Variants in IRAG1 observed in about 807,000 individuals in gnomAD.
The protein encoded by IRAG1 is inositol 1,4,5-triphosphate receptor associated 1.
Under a neutral mutation model 106.2 loss-of-function variants are expected in IRAG1, and 62 were observed. The observed-to-expected ratio is 0.58, with a 90% CI of 0.48 to 0.72. IRAG1 has a LOEUF of 0.72. Among genes scored for constraint, IRAG1 ranks in the 30% least tolerant of loss-of-function variants. IRAG1 has a pLI of 0.00. For missense variants in IRAG1, 1,064 were observed against 1,140.7 expected, an observed-to-expected ratio of 0.93 and a Z score of 0.97; for synonymous variants, 462 against 443.9, an observed-to-expected ratio of 1.04 and a Z score of -0.51.
At position 10,634,056 on chromosome 11, in the gene IRAG1, C is replaced by T; in HGVS notation, c.241G>A (p.Gly81Arg). 1.2e-6 allele frequency: 2 copies of T among 1,610,482 alleles called. No individual in the cohort carries two copies. ...SPAGQGPPAA[G>R]VSCSPTPTIV... Reference sequence around the variant, plus strand: ...GTGGGAGTTGGACTGCAAGATACTCCTGCGGCAGGAGGACCCTGCCGGTTT... The same window carrying T: ...GTGGGAGTTGGACTGCAAGATACTCTTGCGGCAGGAGGACCCTGCCGGTTT... The change falls in exon 3 of 21, where the codon GGA (glycine) becomes AGA (arginine). Residue 81 changes from glycine to arginine, a missense_variant. Gly to Arg is a moderately radical substitution (Grantham distance 125). Coordinates refer to ENST00000423302, the MANE Select transcript of IRAG1 (RefSeq NM_130385.4).
chr11:10,675,795 G>A (rs1302717811), intron 1 of IRAG1, among the ~76,000 whole-genome samples: 1 of 152,098 alleles, frequency 6.6e-6, no homozygotes, highest in African/African-American at 2.4e-5. Context: ...AGAGTGCTGC[G>A]GTCTTTACTA....
At chr11:10,588,728 C>CACCAAA (rs1388597533) in intron 18 of IRAG1, among the ~76,000 whole-genome samples, 22 of 152,264 alleles carry the variant, frequency 1.4e-4, no homozygotes, top group African/African-American at 5.3e-4. Flanking sequence ...AGGTTAGGTG[C>CACCAAA]TCATTTTCTG....
chr11:10,610,231 C>T (rs1041317515), intron 10 of IRAG1, among the ~76,000 whole-genome samples: 1 of 152,346 alleles, frequency 6.6e-6, no homozygotes. Flanking sequence ...GCAGGCTTCT[C>T]AGGAGACCTG....
Position 10,634,072 on chromosome 11 carries a change from C to G in IRAG1, c.226-1G>C. On this transcript the variant is annotated splice_acceptor_variant, in intron 2 of 20. Coordinates refer to ENST00000423302, the MANE Select transcript of IRAG1 (RefSeq NM_130385.4). LOFTEE classifies it high-confidence loss of function. ...AAGATACTCCTGCGGCAGGAGGACCCTGCCGGTTTAGAACAAAAACACAGA... is the reference window on the plus strand; with the variant it reads ...AAGATACTCCTGCGGCAGGAGGACCGTGCCGGTTTAGAACAAAAACACAGA... 6.3e-7 allele frequency: 1 copy of G among 1,598,446 alleles called. No homozygotes were observed. Among genetic ancestry groups the G allele is most frequent in the Non-Finnish European group, 8.5e-7 (1 of 1,170,012 alleles).
At chr11:10,640,148 T>A (rs1412594160) in intron 2 of IRAG1, among the ~76,000 whole-genome samples, 2 of 152,206 alleles carry the variant, frequency 1.3e-5, no homozygotes, top group Non-Finnish European at 2.9e-5. Flanking sequence ...GTGAGCTGCC[T>A]TCTGATAGGA....
chr11:10,675,985 C>T (rs1860625054), intron 1 of IRAG1, among the ~76,000 whole-genome samples: 1 of 152,230 alleles, frequency 6.6e-6, no homozygotes, highest in Non-Finnish European at 1.5e-5. Flanking sequence ...AGGCTGGCCT[C>T]CCATCTAACA....
At chr11:10,581,139 T>C (rs1319949607) in intron 19 of IRAG1, among the ~76,000 whole-genome samples, 4 of 152,136 alleles carry the variant, frequency 2.6e-5, no homozygotes, top group Admixed American at 1.3e-4. Flanking sequence ...TTGTGGTTTT[T>C]CTCCCCCAGG....
intron 15 of IRAG1, chr11:10,595,805 C>T (rs796494278): frequency 2.4e-4 from 37 of 152,240 alleles, no homozygotes; most frequent in African/African-American, 8.4e-4. Context: ...GGTATTAAGC[C>T]TAGTAGACAG....
chr11:10,616,554 A>G (rs753608055), intron 10 of IRAG1, among the ~76,000 whole-genome samples: 7 of 152,128 alleles, frequency 4.6e-5, no homozygotes, highest in Non-Finnish European at 5.9e-5. Context: ...ACAAAAAACT[A>G]CCTCAGTAAC....
chr11:10,638,454 C>G (rs560336780), intron 2 of IRAG1, among the ~76,000 whole-genome samples: 11 of 152,300 alleles, frequency 7.2e-5, no homozygotes, highest in Non-Finnish European at 1.6e-4. Flanking sequence ...CTCTCCCACC[C>G]ACATCATCTG....
intron 18 of IRAG1, among the ~76,000 whole-genome samples, chr11:10,588,499 G>A (rs1229883495): frequency 3.3e-5 from 5 of 152,128 alleles, no homozygotes; most frequent in Admixed American, 6.5e-5. Context: ...ACAGGTGGAC[G>A]CCACCACGCC....
intron 1 of IRAG1, among the ~76,000 whole-genome samples, chr11:10,680,346 A>AAAG (rs1554935620): frequency 1.4e-5 from 1 of 69,844 alleles, no homozygotes; most frequent in Non-Finnish European, 2.7e-5. Context: ...GGAAGGAAGG[A>AAAG]AAGAAAGAAA....
chr11:10,670,228 C>T (rs1195440611), intron 1 of IRAG1, among the ~76,000 whole-genome samples: 1 of 152,214 alleles, frequency 6.6e-6, no homozygotes, highest in Non-Finnish European at 1.5e-5. Context: ...CAGAGGGACT[C>T]CTCATACAAC....
chr11:10,591,447 T>C, intron 18 of IRAG1, 101 bp downstream of exon 18: 2 of 1,083,494 alleles, frequency 1.8e-6, no homozygotes, highest in Non-Finnish European at 1.4e-6. Flanking sequence ...CTTAATTTGC[T>C]TTCCACTGCA....
chr11:10,639,589 C>T (rs1857373835), intron 2 of IRAG1, among the ~76,000 whole-genome samples: 1 of 152,196 alleles, frequency 6.6e-6, no homozygotes, highest in Non-Finnish European at 1.5e-5. Context: ...ATCCTGACCT[C>T]TCCTCTGCCC....
intron 10 of IRAG1, among the ~76,000 whole-genome samples, chr11:10,616,114 G>C (rs574158408): frequency 8.1e-4 from 123 of 151,206 alleles, no homozygotes; most frequent in African/African-American, 2.8e-3. Context: ...GACCATCCTG[G>C]CTAACGTGGT....
At chr11:10,596,848 C>A (rs1853370183) in intron 15 of IRAG1, among the ~76,000 whole-genome samples, 1 of 152,146 alleles carries the variant, frequency 6.6e-6, no homozygotes, top group Non-Finnish European at 1.5e-5. Context: ...ATAAGCAACT[C>A]CAAAGTATTA....
At chr11:10,686,528 C>G (rs1421001104) in intron 1 of IRAG1, among the ~76,000 whole-genome samples, 1 of 152,190 alleles carries the variant, frequency 6.6e-6, no homozygotes. Flanking sequence ...CAAAGTAGAG[C>G]AAGCCTAGTG....
Position 10,604,276 on chromosome 11 carries a change from G to T in IRAG1, c.1743+129C>A, listed in dbSNP as rs899842965. ...TCCCCCCAACTCTCTGAGGAACACT[G>T]TCAGAGTCTTGGCTCAATTTTTCAC... On this transcript the variant is annotated intron_variant, in intron 13 of 20. Transcript: ENST00000423302. The T allele has an allele frequency of 2.5e-6, 3 of 1,194,708 alleles. No individual in the cohort carries two copies. The Admixed American group carries it at 7.3e-5, about 29-fold the overall frequency. 74.0% of individuals were successfully genotyped at this position (1,194,708 alleles called of 1,614,324 possible).
Sources: gnomAD v4.1 joint callset for allele counts (sites outside exome capture counted in the v4.1 genomes callset) on GRCh38, gnomAD v4.1.1 for gene constraint, MANE v1.5 for transcripts, NCBI Gene and HGNC (gene_info 2026-07-23, HGNC 2026-07-21) for gene names.